The following BRAT1 variants were observed in gnomAD, a reference collection of about 807,000 sequenced individuals.
The protein encoded by BRAT1 is integrator complex assembly factor BRAT1.
Under a neutral mutation model 70.6 loss-of-function variants are expected in BRAT1, and 74 were observed. That is an observed-to-expected ratio of 1.05 (90% CI 0.87 to 1.27). The LOEUF (loss-of-function observed/expected upper bound fraction) is 1.27, where lower values mean the gene tolerates loss of function less well. Among genes scored for constraint, BRAT1 ranks in the 50% most tolerant of loss-of-function variants. The pLI is 0.00. For synonymous variants in BRAT1, 615 were observed against 517.1 expected (o/e 1.19, Z -2.57); for missense variants, 1,203 against 1,098.2 (o/e 1.10, Z -1.35).
chr7:2,541,881 C>G (rs1279065426), intron 7 of BRAT1, 45 bp from the exon 8 acceptor site: 1 of 1,591,816 alleles, frequency 6.3e-7, no homozygotes, highest in African/African-American at 1.3e-5. Context: ...GCACTTCAGC[C>G]TCCCCACGGT....
chr7:2,552,081 A>AACATATATATATATATATATAT (rs1554298077), intron 2 of BRAT1, among the ~76,000 whole-genome samples: 3 of 23,384 alleles, frequency 1.3e-4, no homozygotes, highest in East Asian at 5.8e-3. Flanking sequence ...CATAGTCTTA[A>AACATATATATATATATATATAT]ATATATATAT....
rs375466838 is a variant in BRAT1 at position 2,541,339 on chromosome 7, C to G, written c.1280G>C (p.Arg427Pro). ...GTLAGCVRVQ[R>P]AALDFLGTLS... ...CGTCCCCAGGAAGTCGAGGGCTGCT[C>G]GCTGGACCCGGACGCAGCCCGCCAG... The change falls in exon 9 of 14, where the codon CGA becomes CCA. Residue 427 changes from arginine (R) to proline (P), a missense_variant. Arg to Pro is a moderately radical substitution (Grantham distance 103). Transcript: ENST00000340611. 6 of 1,604,032 alleles carry G rather than the reference C, an allele frequency of 3.7e-6. No individual in the cohort carries two copies. The highest frequency in any genetic ancestry group is 3.4e-6 in the Non-Finnish European group (4 of 1,178,916).
intron 2 of BRAT1, among the ~76,000 whole-genome samples, chr7:2,553,330 C>G (rs984662815): frequency 6.6e-6 from 1 of 152,202 alleles, no homozygotes; most frequent in African/African-American, 2.4e-5. Context: ...CGCGCCTGAC[C>G]TATGACACTA....
chr7:2,547,610 A>G, intron 2 of BRAT1, 132 bp from the exon 3 acceptor site: 1 of 926,596 alleles, frequency 1.1e-6, no homozygotes, highest in South Asian at 1.8e-5. Context: ...CAACTGGGAA[A>G]AAAATATCTG....
intron 2 of BRAT1, among the ~76,000 whole-genome samples, chr7:2,547,966 C>A (rs936245549): frequency 1.3e-5 from 2 of 152,038 alleles, no homozygotes; most frequent in Non-Finnish European, 2.9e-5. Context: ...TGCCTGTAGT[C>A]CCAGCTAATT....
At chr7:2,550,197 T>C (rs974440222) in intron 2 of BRAT1, among the ~76,000 whole-genome samples, 6 of 149,562 alleles carry the variant, frequency 4.0e-5, no homozygotes, top group Admixed American at 4.0e-4. Flanking sequence ...CCAGGCACAG[T>C]GCCTCACACC....
At chr7:2,539,059 C>A (rs542479343) in intron 13 of BRAT1, 120 bp downstream of exon 13, 10 of 1,464,608 alleles carry the variant, frequency 6.8e-6, no homozygotes, top group East Asian at 4.7e-5. Flanking sequence ...CTGCTGCAGG[C>A]GCTGCCCACA....
chr7:2,539,401 T>C (rs557429459), intron 12 of BRAT1, 50 bp from the exon 13 acceptor site: 4 of 1,561,244 alleles, frequency 2.6e-6, no homozygotes, highest in Non-Finnish European at 3.5e-6. Context: ...CCGAGCCTTG[T>C]CGCCTCGGCC....
At chr7:2,542,421 G>C (rs944361315) in intron 6 of BRAT1, 9 of 597,174 alleles carry the variant, frequency 1.5e-5, no homozygotes, top group East Asian at 2.9e-5. Context: ...TGACACTCCT[G>C]ATGTCCTTAG....
rs762276921 is a variant in BRAT1 at position 2,538,140 on chromosome 7, G to T, written c.2395C>A (p.Pro799Thr). Residue 799 changes from proline (P) to threonine (T), a missense_variant, in exon 14 of 14, where the codon CCC becomes ACC. Transcript: ENST00000340611. The stretch of plus-strand genomic sequence containing the variant: ...AGCATGTCCTGCAGGAGGGACTGGG[G>T]ACTCTTTTCCACGTGGTCGCTGCTC... ...AESSDHVEKS[P>T]QSLLQDMLAT... 1.9e-6 allele frequency: 3 copies of T among 1,607,508 alleles called. No individual in the cohort carries two copies. The highest frequency in any genetic ancestry group is 2.2e-5 in the South Asian group (2 of 90,898).
chr7:2,554,257 T>C (rs747444567), intron 2 of BRAT1, 48 bp downstream of exon 2: 1 of 1,602,656 alleles, frequency 6.2e-7, no homozygotes, highest in East Asian at 2.3e-5. Flanking sequence ...TCCCAGCCTC[T>C]GCGTCTGGTC....
In BRAT1 at chr7:2,543,167, G is replaced by T; in HGVS notation, c.923+37C>A. 5.9e-6 allele frequency: 9 copies of T among 1,521,388 alleles called. No individual in the cohort carries two copies. The highest frequency in any genetic ancestry group is 7.9e-6 in the Non-Finnish European group (9 of 1,133,252). 94.2% of individuals were successfully genotyped at this position (1,521,388 alleles called of 1,614,324 possible). On this transcript the variant is annotated intron_variant, in intron 6 of 13. Transcript: ENST00000340611. This position sits in a 1 kb window ranked among gnomAD's most constrained non-coding sequence, Gnocchi z 5.5. Reference sequence around the variant, plus strand: ...ACCTCCCTGCCTGCCCCAGCTCCCAGCACCCGCCTCGGAATGAAATGCACC... The same window carrying T: ...ACCTCCCTGCCTGCCCCAGCTCCCATCACCCGCCTCGGAATGAAATGCACC...
At chr7:2,552,369 C>T (rs1250032657) in intron 2 of BRAT1, among the ~76,000 whole-genome samples, 1 of 150,928 alleles carries the variant, frequency 6.6e-6, no homozygotes, top group Non-Finnish European at 1.5e-5. Context: ...CTGCCTGCCT[C>T]AGCCTCCCAA....
At chr7:2,547,039 C>CCATGGGGCAGCTACGACTCCTGTCTCCA (rs1562585947) in intron 3 of BRAT1, among the ~76,000 whole-genome samples, 1 of 152,202 alleles carries the variant, frequency 6.6e-6, no homozygotes, top group African/African-American at 2.4e-5. Flanking sequence ...GAGATGGAGG[C>CCATGGGGCAGCTACGACTCCTGTCTCCA]TTGCGGCCGT....
rs1779251508 is a variant in BRAT1 at position 2,542,467 on chromosome 7, C to T, written c.924-256G>A. ...TGAGGGGCCTCCAGGAGGGCCTGGC[C>T]ATGCACCCAGAGAGAGGGGCAGTGC... is the stretch of plus-strand genomic sequence containing the variant. On this transcript the variant is annotated intron_variant, in intron 6 of 13. Coordinates refer to ENST00000340611, the MANE Select transcript of BRAT1 (RefSeq NM_152743.4). 2.4e-5 allele frequency: 13 copies of T among 542,708 alleles called. No homozygotes were observed. In the South Asian group the frequency reaches 2.5e-4, roughly 10 times the overall value. The allele number at this position is 542,708 out of a possible 1,614,324, so 33.6% of individuals were successfully genotyped here.
chr7:2,545,515 C>G (rs1779547516), intron 3 of BRAT1, among the ~76,000 whole-genome samples: 1 of 96,900 alleles, frequency 1.0e-5, no homozygotes, highest in Non-Finnish European at 1.8e-5. Context: ...TTTTTTGAGA[C>G]AGTCCCACTC....
In BRAT1 at chr7:2,540,018, G is replaced by C. The variant is rs1779025036; in HGVS notation, c.1396-130C>G. 7 of 632,788 alleles carry C rather than the reference G, an allele frequency of 1.1e-5. No homozygotes were observed. In the South Asian group the frequency reaches 1.5e-4, roughly 14 times the overall value. The allele number at this position is 632,788 out of a possible 1,614,324, so 39.2% of individuals were successfully genotyped here. A position where few individuals can be genotyped will look rare whatever the true frequency, so the allele number is the denominator to read the frequency against. ...ATGGGGACAGGAAGTGGAGAGAGAA[G>C]GGAACGCTGGGCTTCCTTCTTTTTT... is the stretch of plus-strand genomic sequence containing the variant. On this transcript the variant is annotated intron_variant, in intron 10 of 13. Transcript: ENST00000340611.
chr7:2,551,986 T>C (rs1562593075), intron 2 of BRAT1, among the ~76,000 whole-genome samples: 1 of 141,344 alleles, frequency 7.1e-6, no homozygotes, highest in African/African-American at 2.6e-5. Context: ...ATGAAAAGCA[T>C]AAAATACTCA....
intron 10 of BRAT1, 65 bp downstream of exon 10, chr7:2,540,914 G>A: frequency 7.0e-7 from 1 of 1,424,984 alleles, no homozygotes; most frequent in Non-Finnish European, 9.2e-7. Context: ...ACGGGGTGGA[G>A]TCAGGGGTGG....
Sources: allele counts gnomAD v4.1 joint callset (sites outside exome capture counted in the v4.1 genomes callset), GRCh38; gene constraint gnomAD v4.1.1; non-coding constraint Gnocchi (gnomAD v3.1); transcripts MANE v1.5; gene names NCBI Gene and HGNC (gene_info 2026-07-23, HGNC 2026-07-21).